TCF4: variants seen among roughly 807,000 people sequenced by gnomAD.
TCF4 encodes the protein transcription factor 4, also known as SL3-3 enhancer factor 2.
In TCF4, 3 loss-of-function variants were observed where a neutral mutation model predicts 82.1. That is an observed-to-expected ratio of 0.04 (90% CI 0.02 to 0.09). The LOEUF (loss-of-function observed/expected upper bound fraction) is 0.09, where lower values mean the gene tolerates loss of function less well. Ranked by LOEUF, TCF4 falls within the 10% of genes least tolerant of loss-of-function variation. The pLI, the probability that TCF4 is intolerant of heterozygous loss-of-function variation, is 1.00. For synonymous variants in TCF4, 276 were observed against 309.6 expected (o/e 0.89, Z 1.14); for missense variants, 518 against 852.7 (o/e 0.61, Z 4.89).
intron 8 of TCF4, among the ~76,000 whole-genome samples, chr18:55,334,772 G>C (rs534392577): frequency 6.6e-6 from 1 of 152,098 alleles, no homozygotes; most frequent in Non-Finnish European, 1.5e-5. Flanking sequence ...TCCTAGCTTA[G>C]AGAAAAGTCA....
chr18:55,544,951 T>C lies in TCF4; in HGVS notation c.145+40329A>G, dbSNP rs949632329. 2.6e-5 allele frequency among the ~76,000 whole-genome samples: 4 copies of C among 152,334 alleles called. No individual in the cohort carries two copies. In the South Asian group the frequency reaches 8.3e-4, roughly 32 times the overall value. On this transcript the variant is annotated intron_variant, in intron 3 of 19. Transcript: ENST00000354452. Reference sequence around the variant, plus strand: ...AGTACATGAAGTGTCTACCTGTAGATGTACATCATGCACAGCCAGGTGTTA... The same window carrying C: ...AGTACATGAAGTGTCTACCTGTAGACGTACATCATGCACAGCCAGGTGTTA...
At chr18:55,323,112 C>T (rs2075991461) in intron 8 of TCF4, among the ~76,000 whole-genome samples, 1 of 151,450 alleles carries the variant, frequency 6.6e-6, no homozygotes, top group Admixed American at 6.6e-5. Flanking sequence ...TACCAATCAA[C>T]AAAAAGGCGG....
chr18:55,589,770 T>C (rs1270583859), upstream of TCF4: 6 of 1,013,754 alleles, frequency 5.9e-6, no homozygotes, highest in Non-Finnish European at 7.1e-6. Flanking sequence ...GAAAGATACA[T>C]TGTAATCCAT....
intron 3 of TCF4, among the ~76,000 whole-genome samples, chr18:55,466,785 C>T (rs892077647): frequency 1.3e-5 from 2 of 152,126 alleles, no homozygotes; most frequent in African/African-American, 4.8e-5. Flanking sequence ...AGATAAAACA[C>T]ATCAACACTT....
intron 6 of TCF4, among the ~76,000 whole-genome samples, chr18:55,358,327 C>G (rs1182467942): frequency 2.0e-5 from 3 of 152,232 alleles, no homozygotes; most frequent in Non-Finnish European, 4.4e-5. Context: ...TGCTGCTCAT[C>G]ATAACCACCA....
chr18:55,414,955 A>G (rs1054192882), intron 5 of TCF4, among the ~76,000 whole-genome samples: 2 of 152,372 alleles, frequency 1.3e-5, no homozygotes, highest in East Asian at 1.9e-4. Flanking sequence ...TTGGCAAAGC[A>G]AGTGAAAACT....
At chr18:55,458,658 T>A (rs1603482593) in intron 5 of TCF4, among the ~76,000 whole-genome samples, 1 of 152,150 alleles carries the variant, frequency 6.6e-6, no homozygotes, top group Admixed American at 6.5e-5. Context: ...GAATCTTTGT[T>A]CCCCGAATCT....
intron 3 of TCF4, among the ~76,000 whole-genome samples, chr18:55,498,747 T>G (rs2096665212): frequency 6.6e-6 from 1 of 152,104 alleles, no homozygotes. Context: ...GTTGTAAGAG[T>G]GTCTTTGCTC....
At chr18:55,472,344 T>C (rs1454312287) in intron 3 of TCF4, among the ~76,000 whole-genome samples, 19 of 152,212 alleles carry the variant, frequency 1.2e-4, no homozygotes, top group Non-Finnish European at 2.9e-5. Flanking sequence ...CAAACGTACA[T>C]TGAAGCCTTT....
intron 5 of TCF4, among the ~76,000 whole-genome samples, chr18:55,455,212 A>G (rs1208503840): frequency 6.6e-6 from 1 of 150,882 alleles, no homozygotes; most frequent in Admixed American, 6.6e-5. Flanking sequence ...AAGAAAAGAA[A>G]AAGAAGAAGG....
intron 8 of TCF4, among the ~76,000 whole-genome samples, chr18:55,344,571 A>G (rs1282610038): frequency 1.3e-5 from 2 of 152,190 alleles, no homozygotes; most frequent in Non-Finnish European, 2.9e-5. Flanking sequence ...TCTTTTCTCA[A>G]CAAGTCCAGT....
chr18:55,387,882 A>G (rs2092729185), intron 6 of TCF4, among the ~76,000 whole-genome samples: 1 of 152,190 alleles, frequency 6.6e-6, no homozygotes. Flanking sequence ...GCGGGTACAA[A>G]GACATCAAAG....
intron 3 of TCF4, among the ~76,000 whole-genome samples, chr18:55,565,394 A>C (rs932089374): frequency 6.6e-6 from 1 of 152,226 alleles, no homozygotes; most frequent in Non-Finnish European, 1.5e-5. Context: ...TTGAGTTTTC[A>C]ATACTGAAAG....
At chr18:55,445,112 T>C (rs2095503196) in intron 5 of TCF4, among the ~76,000 whole-genome samples, 1 of 152,144 alleles carries the variant, frequency 6.6e-6, no homozygotes, top group African/African-American at 2.4e-5. Context: ...GTTGCTTGAG[T>C]GTCCTAAATC....
intron 3 of TCF4, among the ~76,000 whole-genome samples, chr18:55,540,534 TAATCA>T (rs2097156776): frequency 6.6e-6 from 1 of 152,042 alleles, no homozygotes; most frequent in Non-Finnish European, 1.5e-5. Flanking sequence ...ACAGTTTGCC[TAATCA>T]AGAGTAAATC....
chr18:55,588,752 C>G, upstream of TCF4: 1 of 1,248,036 alleles, frequency 8.0e-7, no homozygotes, highest in Non-Finnish European at 1.0e-6. Context: ...ATTTTCGTTT[C>G]GGTAGTTTTG....
intron 2 of TCF4, among the ~76,000 whole-genome samples, chr18:55,595,737 G>T (rs183040336): frequency 6.6e-6 from 1 of 152,186 alleles, no homozygotes; most frequent in Non-Finnish European, 1.5e-5. Context: ...CCTTCTAGAA[G>T]TTTCCTCCTA....
intron 3 of TCF4, among the ~76,000 whole-genome samples, chr18:55,501,924 C>T (rs2096706591): frequency 6.6e-6 from 1 of 152,068 alleles, no homozygotes; most frequent in Non-Finnish European, 1.5e-5. Flanking sequence ...CAAACACTAA[C>T]AATGAAGTGG....
At chr18:55,511,167 TATC>T (rs1446653893) in intron 3 of TCF4, among the ~76,000 whole-genome samples, 1 of 152,104 alleles carries the variant, frequency 6.6e-6, no homozygotes, top group Non-Finnish European at 1.5e-5. Context: ...ATACTTTTAA[TATC>T]ATTTTCAACA....
Sources: allele counts gnomAD v4.1 joint callset (sites outside exome capture counted in the v4.1 genomes callset), GRCh38; gene constraint gnomAD v4.1.1; transcripts MANE v1.5; gene names NCBI Gene and HGNC (gene_info 2026-07-23, HGNC 2026-07-21).